KLHL11: variants seen among roughly 807,000 people sequenced by gnomAD.
KLHL11 encodes the protein kelch like family member 11.
In KLHL11, 26 loss-of-function variants were observed where a neutral mutation model predicts 56.1. The observed-to-expected ratio is 0.46, with a 90% confidence interval of 0.34 to 0.64. KLHL11 has a LOEUF of 0.64. Among genes scored for constraint, KLHL11 ranks in the 30% least tolerant of loss-of-function variants. KLHL11 has a pLI of 0.01. For synonymous variants in KLHL11, 338 were observed against 345.8 expected (o/e 0.98, Z 0.25); for missense variants, 627 against 919.4 (o/e 0.68, Z 4.11).
Position 41,855,096 on chromosome 17 carries a change from T to C in KLHL11, c.771A>G (p.Glu257=). The C allele has an allele frequency of 8.1e-6, 13 of 1,614,150 alleles. No homozygotes were observed. Among genetic ancestry groups the C allele is most frequent in the Non-Finnish European group, 1.1e-5 (13 of 1,180,020 alleles). The change falls in exon 2 of 2, where the codon GAA becomes GAG. Residue 257 remains glutamate, a synonymous_variant. Coordinates refer to ENST00000319121, the MANE Select transcript of KLHL11 (RefSeq NM_018143.3). ...GAACCTCTTCAGAATCAACTGTAAT[T>C]TCCAAATCTGAAAGCCAGTCTCTAA... ...HLIRDWLSDL[E]ITVDSEEVLF... is the part of the protein sequence containing the mutation.
intron 1 of KLHL11, among the ~76,000 whole-genome samples, chr17:41,861,970 T>G (rs1006904550): frequency 1.8e-4 from 27 of 152,308 alleles, no homozygotes; most frequent in African/African-American, 6.5e-4. Flanking sequence ...ACAGCTCTTG[T>G]CAATGGCATC....
In KLHL11 at chr17:41,864,954, C is replaced by A; in HGVS notation, c.417G>T (p.Glu139Asp). 1 of 1,611,656 alleles carries A rather than the reference C, an allele frequency of 6.2e-7. No individual in the cohort carries two copies. Among genetic ancestry groups the A allele is most frequent in the Non-Finnish European group, 8.5e-7 (1 of 1,179,278 alleles). The part of the protein sequence containing the change: ...QFSESRSGRV[E>D]MRKWSSEPGP... ...CCGGCTCGGAGCTCCACTTGCGCAT[C>A]TCCACCCGTCCCGAGCGGGACTCGG... The change falls in exon 1 of 2, where the codon GAG (glutamate) becomes GAT (aspartate). Residue 139 changes from glutamate (E) to aspartate (D), a missense_variant. Transcript: ENST00000319121.
chr17:41,860,888 T>A (rs1356102236), intron 1 of KLHL11, among the ~76,000 whole-genome samples: 1 of 152,172 alleles, frequency 6.6e-6, no homozygotes, highest in Non-Finnish European at 1.5e-5. Flanking sequence ...CCCCAAAATA[T>A]ACTCATTTGA....
Position 41,850,948 on chromosome 17 carries a change from CA to C in KLHL11, c.*2791del, listed in dbSNP as rs2048328882. The C allele has an allele frequency of 6.6e-6, 1 of 152,104 alleles. No homozygotes were observed. Among genetic ancestry groups the C allele is most frequent in the Admixed American group, 6.6e-5 (1 of 15,248 alleles). 9.4% of individuals were successfully genotyped at this position (152,104 alleles called of 1,614,324 possible). On this transcript the variant is annotated 3_prime_UTR_variant, in exon 2 of 2. Transcript: ENST00000319121. ...TTCTTAGTATAGAGCCCAAGACCTA[CA>C]ACTTGCAGCAAATAGCCAAAATTTC...
At chr17:41,858,280 G>A (rs966525610) in intron 1 of KLHL11, among the ~76,000 whole-genome samples, 12 of 142,816 alleles carry the variant, frequency 8.4e-5, no homozygotes, top group Non-Finnish European at 1.6e-4. Flanking sequence ...AGGCTGGAGT[G>A]CAGTGGTGCA....
intron 1 of KLHL11, among the ~76,000 whole-genome samples, chr17:41,862,412 A>C (rs561868693): frequency 2.0e-5 from 3 of 150,814 alleles, no homozygotes; most frequent in South Asian, 4.2e-4. Context: ...ACCTGGGACT[A>C]CAGGCACCCG....
At chr17:41,864,745 G>A in intron 1 of KLHL11, 81 bp downstream of exon 1, 2 of 1,349,656 alleles carry the variant, frequency 1.5e-6, no homozygotes, top group Non-Finnish European at 1.9e-6. Flanking sequence ...TGCCGTGGCA[G>A]GCACTGCCCT....
chr17:41,857,895 C>CA (rs1422551544), intron 1 of KLHL11, among the ~76,000 whole-genome samples: 3 of 152,200 alleles, frequency 2.0e-5, no homozygotes, highest in African/African-American at 7.2e-5. Context: ...CTGCTCACTG[C>CA]AACCTCTGCC....
chr17:41,862,754 G>A (rs538555317), intron 1 of KLHL11, among the ~76,000 whole-genome samples: 1 of 152,072 alleles, frequency 6.6e-6, no homozygotes, highest in African/African-American at 2.4e-5. Context: ...CTCTCTCCCC[G>A]CTGCCCCTTT....
chr17:41,853,818 G>A lies in KLHL11; in HGVS notation c.2049C>T (p.Asp683=), dbSNP rs34684777. ...PMPQNLMWQK[D]RIRQMQEIHR... ...GTATCTCTTGCATCTGTCTGATGCG[G>A]TCCTTCTGCCACATCAGGTTTTGAG... is the stretch of plus-strand genomic sequence containing the variant. Residue 683 remains aspartate, a synonymous_variant, in exon 2 of 2, where the codon GAC becomes GAT. Transcript: ENST00000319121. 30,587 of 1,614,140 alleles carry A rather than the reference G, an allele frequency of 0.019. 393 individuals are homozygous for A. The highest frequency in any genetic ancestry group is 0.023 in the Non-Finnish European group (27,040 of 1,180,012).
rs782190451 is a variant in KLHL11, at chr17:41,865,100, C to T, written c.271G>A (p.Gly91Ser). The change falls in exon 1 of 2, where the codon GGC becomes AGC. Residue 91 changes from glycine to serine, a missense_variant. Around this residue, in one of 4 missense-constraint regions of KLHL11, gnomAD observed 150 missense variants for 215.7 expected, o/e 0.70. Transcript: ENST00000319121. ...CACAGGGTAATGTCGCAGAAGAGGC[C>T]CTGGCGCCGCTGCTCGTTCTGCCGC... ...SWRQNEQRRQ[G>S]LFCDITLCFG... 8.7e-6 allele frequency: 14 copies of T among 1,603,702 alleles called. No individual in the cohort carries two copies. Among genetic ancestry groups the T allele is most frequent in the Non-Finnish European group, 1.2e-5 (14 of 1,174,236 alleles).
At chr17:41,858,408 T>TTGTTGTTG (rs1555622763) in intron 1 of KLHL11, among the ~76,000 whole-genome samples, 1 of 143,960 alleles carries the variant, frequency 6.9e-6, no homozygotes. Context: ...ATATATATTT[T>TTGTTGTTG]TTGTTGTTGT....
rs1447513948 is a variant in KLHL11, at chr17:41,853,336, C to T, written c.*404G>A. 6.6e-6 allele frequency among the ~76,000 whole-genome samples: 1 copy of T among 152,134 alleles called. No homozygotes were observed. Among genetic ancestry groups the T allele is most frequent in the Non-Finnish European group, 1.5e-5 (1 of 68,032 alleles). On this transcript the variant is annotated 3_prime_UTR_variant, in exon 2 of 2. Transcript: ENST00000319121. ...ATGCAGAAGTCAGATCTTGCCAAAA[C>T]CAATCATTTAATAAAAAATGAAAAA... is the stretch of plus-strand genomic sequence containing the variant.
chr17:41,855,023 C>G lies in KLHL11; in HGVS notation c.844G>C (p.Glu282Gln), dbSNP rs2048356317. 1 of 1,614,094 alleles carries G rather than the reference C, an allele frequency of 6.2e-7. No individual in the cohort carries two copies. Among genetic ancestry groups the G allele is most frequent in the Non-Finnish European group, 8.5e-7 (1 of 1,180,006 alleles). The change falls in exon 2 of 2, where the codon GAG becomes CAG. Residue 282 changes from glutamate to glutamine, a missense_variant. Transcript: ENST00000319121. ...KWVQRNAEER[E>Q]RYFEELFKLL... ...TTAAAAAGTTCTTCAAAGTATCTCT[C>G]TCTCTCTTCAGCATTTCTCTGAACC... is the stretch of plus-strand genomic sequence containing the variant.
In KLHL11 at chr17:41,865,417, T is replaced by G. The variant is rs1555623496; in HGVS notation, c.-47A>C. ...CTCCACAGCCTCGGAACGATGCGGC[T>G]GTTGGTACGACACAGAGGGATTCTG... On this transcript the variant is annotated 5_prime_UTR_variant, in exon 1 of 2. Coordinates refer to ENST00000319121, the MANE Select transcript of KLHL11 (RefSeq NM_018143.3). 1 of 1,198,934 alleles carries G rather than the reference T, an allele frequency of 8.3e-7. No homozygotes were observed. The highest frequency in any genetic ancestry group is 2.9e-5 in the East Asian group (1 of 33,982). The allele number at this position is 1,198,934 out of a possible 1,614,324, so 74.3% of individuals were successfully genotyped here.
rs1253640967 is a variant in KLHL11, at chr17:41,853,165, ATCT to A, written c.*572_*574del. 2.0e-5 allele frequency among the ~76,000 whole-genome samples: 3 copies of A among 152,208 alleles called. No homozygotes were observed. Among genetic ancestry groups the A allele is most frequent in the African/African-American group, 7.2e-5 (3 of 41,452 alleles). ...CAGTAAAAAATTTCTCATCAGTCAC[ATCT>A]TCTAGGAAGGAAACTGGCATTTCTA... On this transcript the variant is annotated 3_prime_UTR_variant, in exon 2 of 2. Coordinates refer to ENST00000319121, the MANE Select transcript of KLHL11 (RefSeq NM_018143.3).
In KLHL11 at chr17:41,854,345, C is replaced by A. The variant is rs781982397; in HGVS notation, c.1522G>T (p.Ala508Ser). 6.2e-7 allele frequency: 1 copy of A among 1,614,126 alleles called. No individual in the cohort carries two copies. Among genetic ancestry groups the A allele is most frequent in the Non-Finnish European group, 8.5e-7 (1 of 1,180,040 alleles). ...AIEDRFVYIA[A>S]RTPVDRDTED... ...GTGTCCCGGTCTACAGGAGTGCGGG[C>A]GGCAATGTATACAAACCGGTCTTCA... Residue 508 changes from alanine to serine, a missense_variant, in exon 2 of 2, where the codon GCC becomes TCC. Around this residue, in one of 4 missense-constraint regions of KLHL11, gnomAD observed 250 missense variants for 360.6 expected, o/e 0.69. Transcript: ENST00000319121. The surrounding 1 kb of genome is among the most constrained non-coding windows in gnomAD (Gnocchi z 4.9).
intron 1 of KLHL11, among the ~76,000 whole-genome samples, chr17:41,857,731 A>T (rs1329367726): frequency 2.0e-5 from 3 of 151,982 alleles, no homozygotes; most frequent in African/African-American, 7.2e-5. Context: ...ACAGCCCCAA[A>T]CTCCTGGGCT....
At chr17:41,860,286 T>C (rs934700489) in intron 1 of KLHL11, among the ~76,000 whole-genome samples, 3 of 151,900 alleles carry the variant, frequency 2.0e-5, no homozygotes, top group African/African-American at 7.3e-5. Context: ...TGTCATACAC[T>C]TGGCATCTGT....
Sources: gnomAD v4.1 joint callset for allele counts (sites outside exome capture counted in the v4.1 genomes callset) on GRCh38, gnomAD v4.1.1 for gene constraint, gnomAD v4.1.1 regional missense constraint, Gnocchi (gnomAD v3.1) non-coding constraint, MANE v1.5 for transcripts, NCBI Gene and HGNC (gene_info 2026-07-23, HGNC 2026-07-21) for gene names.